Variants in CHLSN observed in about 807,000 individuals in gnomAD.
CHLSN encodes cholesin.
the CHLSN span, among the ~76,000 whole-genome samples, chr7:1,011,159 C>T: frequency 0.029 from 4,364 of 149,160 alleles, 163 homozygotes; most frequent in African/African-American, 0.088. Flanking sequence ...CGACCCACAC[C>T]CACCCACACC....
chr7:1,116,006 G>A, the CHLSN span, among the ~76,000 whole-genome samples: 268 of 98,266 alleles, frequency 2.7e-3, 10 homozygotes, highest in African/African-American at 8.6e-3. Flanking sequence ...TTCCAGCACC[G>A]ACGCCCACGC....
the CHLSN span, among the ~76,000 whole-genome samples, chr7:1,032,884 A>G: frequency 6.6e-6 from 1 of 152,214 alleles, no homozygotes; most frequent in Non-Finnish European, 1.5e-5. Context: ...GCCCAGTCAC[A>G]CTGTCTGCCT....
At chr7:987,118 C>T in the CHLSN span, 23 of 1,559,730 alleles carry the variant, frequency 1.5e-5, no homozygotes, top group African/African-American at 5.4e-5. Context: ...GGGATGACCC[C>T]GAGGGCCTGT....
chr7:1,023,985 C>G, the CHLSN span, among the ~76,000 whole-genome samples: 4 of 152,220 alleles, frequency 2.6e-5, no homozygotes, highest in Non-Finnish European at 4.4e-5. The surrounding 1 kb of genome is among the most constrained non-coding windows in gnomAD (Gnocchi z 5.0). Flanking sequence ...GGACTATAGG[C>G]ATGTGCCACC....
the CHLSN span, among the ~76,000 whole-genome samples, chr7:1,005,266 G>C: frequency 6.6e-6 from 1 of 152,302 alleles, no homozygotes; most frequent in African/African-American, 2.4e-5. Flanking sequence ...ACTCCAGCCT[G>C]GCGACAGAGT....
chr7:1,070,938 CAT>C, the CHLSN span, among the ~76,000 whole-genome samples: 5 of 150,006 alleles, frequency 3.3e-5, no homozygotes, highest in Non-Finnish European at 5.9e-5. Context: ...GACACGCACA[CAT>C]GCACACACAC....
At chr7:1,091,487 G>A in the CHLSN span, 26 of 493,538 alleles carry the variant, frequency 5.3e-5, no homozygotes, top group Non-Finnish European at 8.9e-5. Flanking sequence ...ACGAGCACGC[G>A]GAGGGCCCTC....
At chr7:984,634 G>C in the CHLSN span, 1 of 1,511,978 alleles carries the variant, frequency 6.6e-7, no homozygotes, top group Non-Finnish European at 8.8e-7. Flanking sequence ...GACCCCAGGA[G>C]GGGTGGGGGC....
the CHLSN span, among the ~76,000 whole-genome samples, chr7:1,109,177 G>C: frequency 6.6e-6 from 1 of 152,100 alleles, no homozygotes; most frequent in Admixed American, 6.5e-5. Flanking sequence ...GAGCCACCAC[G>C]CCCAGCCTCT....
the CHLSN span, among the ~76,000 whole-genome samples, chr7:1,019,457 C>T: frequency 6.6e-6 from 1 of 152,226 alleles, no homozygotes; most frequent in Non-Finnish European, 1.5e-5. Context: ...GGCTTCCTGG[C>T]ACCGTGAGGA....
At chr7:1,093,524 C>G in the CHLSN span, 1 of 470,990 alleles carries the variant, frequency 2.1e-6, no homozygotes, top group Non-Finnish European at 4.4e-6. Context: ...AGGAAGGCCC[C>G]TCTGTGGAGC....
At chr7:1,115,800 G>A in the CHLSN span, among the ~76,000 whole-genome samples, 6 of 117,962 alleles carry the variant, frequency 5.1e-5, 2 homozygotes, top group Admixed American at 1.8e-4. Context: ...CAACGCCCAC[G>A]CAGGATGACA....
At chr7:1,017,156 G>T in the CHLSN span, among the ~76,000 whole-genome samples, 1 of 152,252 alleles carries the variant, frequency 6.6e-6, no homozygotes. Context: ...TGGGCATTGG[G>T]CCTCTGCCTC....
the CHLSN span, among the ~76,000 whole-genome samples, chr7:1,011,357 C>G: frequency 1.2e-4 from 17 of 147,188 alleles, no homozygotes; most frequent in Middle Eastern, 3.8e-3. Context: ...CACACCGACA[C>G]CCACACACAT....
chr7:1,125,151 T>C, the CHLSN span, among the ~76,000 whole-genome samples: 1 of 152,190 alleles, frequency 6.6e-6, no homozygotes, highest in East Asian at 1.9e-4. Flanking sequence ...CACTGCCTCA[T>C]TGGACAGGAT....
At chr7:1,083,379 C>T in the CHLSN span, among the ~76,000 whole-genome samples, 2 of 152,218 alleles carry the variant, frequency 1.3e-5, no homozygotes, top group Non-Finnish European at 2.9e-5. Flanking sequence ...AATCCCAGCA[C>T]TTTGGGAGGG....
the CHLSN span, among the ~76,000 whole-genome samples, chr7:1,090,694 C>T: frequency 6.6e-6 from 1 of 152,278 alleles, no homozygotes; most frequent in African/African-American, 2.4e-5. Flanking sequence ...ACTTCTCCCT[C>T]TCTGCAGAGG....
At chr7:1,096,376 T>A in the CHLSN span, among the ~76,000 whole-genome samples, 6 of 152,142 alleles carry the variant, frequency 3.9e-5, no homozygotes, top group Non-Finnish European at 8.8e-5. This position sits in a 1 kb window ranked among gnomAD's most constrained non-coding sequence, Gnocchi z 4.6. Flanking sequence ...GGTGCAACAC[T>A]GAGGTCCCCA....
chr7:997,884 C>A, the CHLSN span: 2 of 1,346,678 alleles, frequency 1.5e-6, no homozygotes, highest in Non-Finnish European at 2.1e-6. Flanking sequence ...ACGCTGCAGC[C>A]AAGGACACCC....
Sources: gnomAD v4.1 joint callset for allele counts (sites outside exome capture counted in the v4.1 genomes callset) on GRCh38, gnomAD v4.1.1 for gene constraint, Gnocchi (gnomAD v3.1) non-coding constraint, MANE v1.5 for transcripts, NCBI Gene and HGNC (gene_info 2026-07-23, HGNC 2026-07-21) for gene names.